FHL2: variants seen among roughly 807,000 people sequenced by gnomAD.
The protein encoded by FHL2 is four and a half LIM domains protein 2.
Under a neutral mutation model 32.7 loss-of-function variants are expected in FHL2, and 20 were observed. The ratio of observed to expected loss-of-function variants is 0.61; its 90% CI spans 0.43 to 0.89. FHL2 has a LOEUF of 0.89. FHL2 is among the 40% of genes least tolerant of loss of function. The probability of loss-of-function intolerance (pLI) is 0.00; values close to 1 mark genes in which losing one functional copy is unlikely to be tolerated. For missense variants in FHL2, 311 were observed against 358.6 expected, an observed-to-expected ratio of 0.87 and a Z score of 1.07; for synonymous variants, 123 against 128.1, an observed-to-expected ratio of 0.96 and a Z score of 0.27.
chr2:105,377,094 G>C (rs1681525113), intron 3 of FHL2, among the ~76,000 whole-genome samples: 1 of 152,190 alleles, frequency 6.6e-6, no homozygotes, highest in African/African-American at 2.4e-5. Flanking sequence ...TCTGCAATCA[G>C]ACCTTGGCGA....
intron 3 of FHL2, chr2:105,378,154 A>G (rs904354258): frequency 3.4e-5 from 16 of 471,106 alleles, no homozygotes; most frequent in African/African-American, 3.0e-4. Context: ...AGACATGCAC[A>G]TGGGTCCAAG....
At chr2:105,402,858 T>C (rs1236086147), upstream of FHL2, among the ~76,000 whole-genome samples, 1 of 152,260 alleles carries the variant, frequency 6.6e-6, no homozygotes, top group Non-Finnish European at 1.5e-5. Flanking sequence ...TTAATAAATA[T>C]GTGTATTGAA....
intron 4 of FHL2, among the ~76,000 whole-genome samples, chr2:105,372,850 C>T (rs1210411202): frequency 1.3e-5 from 2 of 152,180 alleles, no homozygotes; most frequent in African/African-American, 4.8e-5. Flanking sequence ...AGCCACCGCA[C>T]CCAGCTTCTT....
At chr2:105,387,792 A>C (rs1682427001) in intron 2 of FHL2, among the ~76,000 whole-genome samples, 1 of 152,262 alleles carries the variant, frequency 6.6e-6, no homozygotes, top group Admixed American at 6.5e-5. Flanking sequence ...TCTACCATAA[A>C]GACACATGTA....
chr2:105,386,355 A>T lies in FHL2; in HGVS notation c.156+6T>A. 1.9e-6 allele frequency: 3 copies of T among 1,613,318 alleles called. No homozygotes were observed. ...CCGGGGACCCGCAGAGGCCCGCAGC[A>T]GGTACCTTGCAGTCACAGCCGATGG... On this transcript the variant is annotated splice_donor_region_variant and intron_variant, in intron 3 of 6. Coordinates refer to ENST00000530340, the MANE Select transcript of FHL2 (RefSeq NM_001318895.3).
At chr2:105,403,901 G>T (rs1683549036), upstream of FHL2, among the ~76,000 whole-genome samples, 1 of 152,318 alleles carries the variant, frequency 6.6e-6, no homozygotes, top group Admixed American at 6.5e-5. Flanking sequence ...TCAGCCAGTG[G>T]GTCTGAGCTG....
intron 1 of FHL2, among the ~76,000 whole-genome samples, chr2:105,408,644 T>A (rs1683705552): frequency 6.6e-6 from 1 of 152,186 alleles, no homozygotes; most frequent in South Asian, 2.1e-4. Flanking sequence ...GCAGAACTAA[T>A]GGGGCAGACA....
At chr2:105,418,489 A>T (rs1003190314) in intron 1 of FHL2, among the ~76,000 whole-genome samples, 7 of 152,190 alleles carry the variant, frequency 4.6e-5, no homozygotes, top group Non-Finnish European at 1.5e-5. Flanking sequence ...TGCACATTTC[A>T]TGAGAACTGG....
At chr2:105,364,657 C>T (rs1680505837) in intron 5 of FHL2, among the ~76,000 whole-genome samples, 1 of 152,200 alleles carries the variant, frequency 6.6e-6, no homozygotes, top group Admixed American at 6.5e-5. Context: ...CAAACGAAGG[C>T]TGTGGAAGAT....
At chr2:105,396,887 T>C in intron 1 of FHL2, 190 bp from the exon 2 acceptor site, 2 of 588,232 alleles carry the variant, frequency 3.4e-6, no homozygotes, top group East Asian at 5.7e-5. Context: ...TCAGGGCATC[T>C]GAGTCAGAGA....
chr2:105,398,130 TA>T (rs1365441722), intron 1 of FHL2, among the ~76,000 whole-genome samples: 1 of 152,188 alleles, frequency 6.6e-6, no homozygotes, highest in African/African-American at 2.4e-5. Flanking sequence ...GCAAGCCAGC[TA>T]CACATTTCAG....
chr2:105,365,522 G>C (rs1281594284), intron 5 of FHL2, among the ~76,000 whole-genome samples: 6 of 152,024 alleles, frequency 3.9e-5, no homozygotes, highest in African/African-American at 1.2e-4. Flanking sequence ...GTCTTGATGA[G>C]AAGAACAAAC....
intron 1 of FHL2, among the ~76,000 whole-genome samples, chr2:105,406,003 T>A (rs1424732639): frequency 6.6e-6 from 1 of 152,270 alleles, no homozygotes; most frequent in East Asian, 1.9e-4. Context: ...TTCTGCCCCA[T>A]GGTACAGATT....
chr2:105,405,344 G>C (rs4131214), intron 1 of FHL2, among the ~76,000 whole-genome samples: 37,411 of 152,146 alleles, frequency 0.25, 5,065 homozygotes, highest in East Asian at 0.44. Flanking sequence ...TAAAATACCT[G>C]AAATGGGAGA....
At position 105,371,383 on chromosome 2, in the gene FHL2, A is replaced by G. The variant is rs572228302; in HGVS notation, c.331+2176T>C. Among the ~76,000 whole-genome samples, 243 of 152,268 alleles carry G rather than the reference A, an allele frequency of 1.6e-3. 1 individual carries two copies. The highest frequency in any genetic ancestry group is 5.7e-3 in the African/African-American group (237 of 41,546). On this transcript the variant is annotated intron_variant, in intron 4 of 6. Transcript: ENST00000530340. ...GGCAACTAATTCTTCTCAAGACTGC[A>G]ATAGACACACCCTGCCTGAGTTTCC...
At chr2:105,434,052 C>T (rs771726398) in intron 1 of FHL2, among the ~76,000 whole-genome samples, 12 of 152,206 alleles carry the variant, frequency 7.9e-5, no homozygotes, top group Non-Finnish European at 1.6e-4. Context: ...CACATTCCTT[C>T]TCACCTGTAA....
intron 1 of FHL2, among the ~76,000 whole-genome samples, chr2:105,438,112 A>C (rs971272325): frequency 1.3e-5 from 2 of 152,136 alleles, no homozygotes; most frequent in African/African-American, 4.8e-5. Context: ...TTTTATTTAA[A>C]TCTCTCCTCA....
rs184983807 is a variant in FHL2 at position 105,419,805 on chromosome 2, G to T, written c.-25+18594C>A. Among the ~76,000 whole-genome samples, 17 of 152,242 alleles carry T rather than the reference G, an allele frequency of 1.1e-4. No individual in the cohort carries two copies. The East Asian group carries it at 2.7e-3, about 24-fold the overall frequency. On this transcript the variant is annotated intron_variant, in intron 1 of 5. Coordinates refer to the FHL2 transcript ENST00000393352. ...AAAATAATAACATAAAATAAGATTT[G>T]TCTGTCTTTTCTCCTGATGGTCTCA... is the stretch of plus-strand genomic sequence containing the variant.
intron 4 of FHL2, among the ~76,000 whole-genome samples, chr2:105,370,279 G>A (rs1680953713): frequency 6.6e-6 from 1 of 152,096 alleles, no homozygotes; most frequent in African/African-American, 2.4e-5. Context: ...GGAGGCTGAG[G>A]TGGGAGGATC....
Sources: gnomAD v4.1 joint callset for allele counts (sites outside exome capture counted in the v4.1 genomes callset) on GRCh38, gnomAD v4.1.1 for gene constraint, MANE v1.5 for transcripts, NCBI Gene and HGNC (gene_info 2026-07-23, HGNC 2026-07-21) for gene names.